The following C12orf42 variants were observed in gnomAD, a reference collection of about 807,000 sequenced individuals.
C12orf42 encodes chromosome 12 open reading frame 42, also known as uncharacterized protein C12orf42.
C12orf42 carries 25 observed loss-of-function variants against 21.6 expected under a neutral mutation model. That is an observed-to-expected ratio of 1.16 (90% confidence interval 0.84 to 1.62). The LOEUF (loss-of-function observed/expected upper bound fraction) is 1.62, where lower values mean the gene tolerates loss of function less well. Ranked by LOEUF, C12orf42 falls within the 40% of genes most tolerant of loss-of-function variation. C12orf42 has a pLI of 0.00. For missense variants in C12orf42, 483 were observed against 459.3 expected (o/e 1.05, Z -0.47); for synonymous variants, 174 against 175.0 (o/e 0.99, Z 0.05).
the C12orf42 span, among the ~76,000 whole-genome samples, chr12:103,051,499 C>CTT: frequency 1.3e-5 from 2 of 152,140 alleles, no homozygotes; most frequent in African/African-American, 4.8e-5. Flanking sequence ...GCTGGTTTTA[C>CTT]TTTTCTGAAC....
At chr12:103,373,466 C>G (rs1339103790) in intron 3 of C12orf42, among the ~76,000 whole-genome samples, 2 of 152,158 alleles carry the variant, frequency 1.3e-5, no homozygotes, top group African/African-American at 2.4e-5. Flanking sequence ...GTTTGCCTGC[C>G]AAGAACACTG....
intron 3 of C12orf42, among the ~76,000 whole-genome samples, chr12:103,395,200 T>C (rs1052650643): frequency 6.6e-6 from 1 of 152,236 alleles, no homozygotes; most frequent in African/African-American, 2.4e-5. Context: ...CCTTCCTTTT[T>C]TCTAATATGA....
At chr12:103,389,124 G>A (rs1309060737) in intron 3 of C12orf42, among the ~76,000 whole-genome samples, 1 of 152,186 alleles carries the variant, frequency 6.6e-6, no homozygotes, top group Non-Finnish European at 1.5e-5. Context: ...CAGGAAATAG[G>A]GGCTCTTGAG....
chr12:103,379,221 G>A (rs2045957427), intron 3 of C12orf42, among the ~76,000 whole-genome samples: 1 of 152,182 alleles, frequency 6.6e-6, no homozygotes, highest in African/African-American at 2.4e-5. Flanking sequence ...CCACCCCAAT[G>A]GGAACAGGCA....
At chr12:103,411,843 G>A (rs1405682122) in intron 2 of C12orf42, among the ~76,000 whole-genome samples, 1 of 152,168 alleles carries the variant, frequency 6.6e-6, no homozygotes, top group Non-Finnish European at 1.5e-5. Context: ...GTATACATGT[G>A]TGCACATGCA....
At chr12:103,344,288 CAA>C (rs1334555149) in intron 4 of C12orf42, among the ~76,000 whole-genome samples, 2 of 152,110 alleles carry the variant, frequency 1.3e-5, no homozygotes, top group Non-Finnish European at 2.9e-5. Flanking sequence ...TCTCATGGTG[CAA>C]AGAGGACAGC....
At chr12:103,205,074 C>T in the C12orf42 span, among the ~76,000 whole-genome samples, 1 of 151,996 alleles carries the variant, frequency 6.6e-6, no homozygotes, top group Non-Finnish European at 1.5e-5. Flanking sequence ...TCAATAGCTA[C>T]CATATGGCTA....
chr12:103,068,934 CATATATATATATATATAT>C, the C12orf42 span, among the ~76,000 whole-genome samples: 319 of 48,112 alleles, frequency 6.6e-3, 6 homozygotes, highest in African/African-American at 0.014. Context: ...TCTCTCTCCA[CATATATATATATATATAT>C]ATATATATAT....
chr12:103,561,303 C>T, the C12orf42 span, among the ~76,000 whole-genome samples: 2 of 152,126 alleles, frequency 1.3e-5, no homozygotes, highest in African/African-American at 4.8e-5. Flanking sequence ...AAAGGGTTTG[C>T]CTTAGTTTGG....
At chr12:103,539,684 A>C in the C12orf42 span, among the ~76,000 whole-genome samples, 1 of 151,682 alleles carries the variant, frequency 6.6e-6, no homozygotes, top group Non-Finnish European at 1.5e-5. Context: ...GGTTCAAGCG[A>C]TTCTCCTGCC....
the C12orf42 span, among the ~76,000 whole-genome samples, chr12:103,087,868 C>CAAAATCAA: frequency 6.6e-6 from 1 of 152,186 alleles, no homozygotes; most frequent in Non-Finnish European, 1.5e-5. Context: ...TACATGTAAA[C>CAAAATCAA]ACTGTAGGTA....
intron 2 of C12orf42, among the ~76,000 whole-genome samples, chr12:103,445,623 T>C (rs1201279817): frequency 6.6e-6 from 1 of 152,082 alleles, no homozygotes; most frequent in African/African-American, 2.4e-5. Context: ...GCTTTTTTTA[T>C]AAAGAGTTAT....
the C12orf42 span, among the ~76,000 whole-genome samples, chr12:103,562,585 T>C: frequency 6.6e-6 from 1 of 152,210 alleles, no homozygotes; most frequent in Non-Finnish European, 1.5e-5. Flanking sequence ...TCCAGTGACA[T>C]GACCCTACTG....
chr12:103,508,534 G>A, the C12orf42 span, among the ~76,000 whole-genome samples: 6 of 152,186 alleles, frequency 3.9e-5, no homozygotes, highest in South Asian at 4.2e-4. Flanking sequence ...TATGACTGAC[G>A]GTGTTGTAAT....
At chr12:103,149,172 G>A in the C12orf42 span, among the ~76,000 whole-genome samples, 79 of 152,062 alleles carry the variant, frequency 5.2e-4, 1 homozygote, top group Admixed American at 4.1e-3. Context: ...TCCTCCTCTC[G>A]TTGATTTTCA....
chr12:103,072,509 T>C, the C12orf42 span, among the ~76,000 whole-genome samples: 3 of 151,572 alleles, frequency 2.0e-5, no homozygotes, highest in African/African-American at 4.8e-5. Flanking sequence ...TCTCCTGAAA[T>C]AGGCAATTTT....
the C12orf42 span, among the ~76,000 whole-genome samples, chr12:103,508,663 G>T: frequency 1.3e-5 from 2 of 151,926 alleles, no homozygotes; most frequent in Non-Finnish European, 2.9e-5. Flanking sequence ...TTATTTATTT[G>T]CTGGAAATTA....
chr12:103,100,776 A>G, the C12orf42 span, among the ~76,000 whole-genome samples: 1 of 152,156 alleles, frequency 6.6e-6, no homozygotes, highest in African/African-American at 2.4e-5. Context: ...GCTCTGCCCT[A>G]TTTCTTGGGC....
chr12:103,359,787 G>A (rs1452103696), intron 4 of C12orf42, among the ~76,000 whole-genome samples: 1 of 151,868 alleles, frequency 6.6e-6, no homozygotes, highest in Non-Finnish European at 1.5e-5. Context: ...AAGAGGGCAG[G>A]AACCCATCTC....
Sources: allele counts gnomAD v4.1 joint callset (sites outside exome capture counted in the v4.1 genomes callset), GRCh38; gene constraint gnomAD v4.1.1; transcripts MANE v1.5; gene names NCBI Gene and HGNC (gene_info 2026-07-23, HGNC 2026-07-21).